Variants in AFG1L observed in about 807,000 individuals in gnomAD.
The protein encoded by AFG1L is AFG1-like ATPase.
A neutral mutation model predicts 62.2 loss-of-function variants in AFG1L; 53 were observed. The ratio of observed to expected loss-of-function variants is 0.85; its 90% CI spans 0.68 to 1.07. The LOEUF is 1.07. Ranked by LOEUF, AFG1L falls within the 50% of genes least tolerant of loss-of-function variation. The pLI is 0.00. For synonymous variants in AFG1L, 228 were observed against 210.3 expected (o/e 1.08, Z -0.73); for missense variants, 555 against 590.5 (o/e 0.94, Z 0.62).
At chr6:108,401,713 G>C (rs1487123034) in intron 6 of AFG1L, among the ~76,000 whole-genome samples, 3 of 151,996 alleles carry the variant, frequency 2.0e-5, no homozygotes, top group Admixed American at 6.6e-5. Flanking sequence ...TTTGAATTTT[G>C]GAAGTGATAC....
At chr6:108,397,446 G>A (rs562613523) in intron 6 of AFG1L, among the ~76,000 whole-genome samples, 2 of 150,180 alleles carry the variant, frequency 1.3e-5, no homozygotes, top group South Asian at 4.2e-4. Context: ...TAGTAGAGAC[G>A]GGATTTCACC....
chr6:108,311,777 T>TTA (rs1414731416), intron 1 of AFG1L, among the ~76,000 whole-genome samples: 2 of 152,194 alleles, frequency 1.3e-5, no homozygotes, highest in Non-Finnish European at 1.5e-5. Context: ...TTTGAACCAT[T>TTA]TATTACTTCA....
intron 2 of AFG1L, among the ~76,000 whole-genome samples, chr6:108,325,065 C>T (rs1417948332): frequency 6.6e-6 from 1 of 152,192 alleles, no homozygotes; most frequent in Non-Finnish European, 1.5e-5. Context: ...CTCCTTTCGC[C>T]ACCCCTTGCT....
chr6:108,347,453 T>G (rs1778906932), intron 3 of AFG1L, among the ~76,000 whole-genome samples: 1 of 152,242 alleles, frequency 6.6e-6, no homozygotes, highest in South Asian at 2.1e-4. Context: ...AGCCCTTGGA[T>G]GAATAATTTA....
chr6:108,302,070 C>T (rs1396025130), intron 1 of AFG1L, among the ~76,000 whole-genome samples: 1 of 152,040 alleles, frequency 6.6e-6, no homozygotes, highest in Non-Finnish European at 1.5e-5. Flanking sequence ...CCTCAGCCTC[C>T]TGAGTAGCTG....
In AFG1L at chr6:108,427,025, T is replaced by C. The variant is rs78302238; in HGVS notation, c.808-20189T>C. 3.7e-3 allele frequency among the ~76,000 whole-genome samples: 571 copies of C among 152,360 alleles called. 6 individuals are homozygous for C. Among genetic ancestry groups the C allele is most frequent in the African/African-American group, 0.013 (549 of 41,586 alleles). Reference sequence around the variant, plus strand: ...AATATATATACCTTAGTCTGAGTTATACTTTTATCCCCAGAGATATCCTAA... The same window carrying C: ...AATATATATACCTTAGTCTGAGTTACACTTTTATCCCCAGAGATATCCTAA... On this transcript the variant is annotated intron_variant, in intron 7 of 12. Coordinates refer to ENST00000368977, the MANE Select transcript of AFG1L (RefSeq NM_145315.5).
chr6:108,377,348 A>C (rs1047056865), intron 6 of AFG1L, among the ~76,000 whole-genome samples: 2 of 152,048 alleles, frequency 1.3e-5, no homozygotes, highest in African/African-American at 4.8e-5. Flanking sequence ...TCTGTGGGCT[A>C]TGTACTTAAG....
chr6:108,419,183 A>G (rs945832597), intron 7 of AFG1L, among the ~76,000 whole-genome samples: 1 of 152,176 alleles, frequency 6.6e-6, no homozygotes, highest in Non-Finnish European at 1.5e-5. Context: ...AATCAGTTTA[A>G]CAGTGTGAAA....
intron 7 of AFG1L, among the ~76,000 whole-genome samples, chr6:108,427,492 T>G (rs77149299): frequency 0.053 from 8,072 of 151,656 alleles, 538 homozygotes; most frequent in African/African-American, 0.15. Context: ...CCAATATTTC[T>G]GTAGGTTAGA....
chr6:108,316,213 C>T (rs12333287), intron 1 of AFG1L, among the ~76,000 whole-genome samples: 6 of 150,332 alleles, frequency 4.0e-5, no homozygotes, highest in African/African-American at 1.5e-4. Flanking sequence ...AACCCCGTCT[C>T]TACTAAAAAT....
intron 7 of AFG1L, among the ~76,000 whole-genome samples, chr6:108,422,781 A>G (rs746541326): frequency 6.6e-5 from 10 of 152,036 alleles, no homozygotes; most frequent in Non-Finnish European, 1.3e-4. Context: ...TCCATGATCC[A>G]TTCCTTAATG....
intron 7 of AFG1L, among the ~76,000 whole-genome samples, chr6:108,422,042 A>T (rs770433175): frequency 3.3e-5 from 5 of 152,096 alleles, no homozygotes; most frequent in African/African-American, 1.2e-4. Context: ...GAATAATTTT[A>T]GATTGTTTTT....
At chr6:108,453,661 G>A (rs1283014973) in intron 8 of AFG1L, among the ~76,000 whole-genome samples, 1 of 152,204 alleles carries the variant, frequency 6.6e-6, no homozygotes, top group Non-Finnish European at 1.5e-5. Context: ...GTGAGAATCA[G>A]ATTAATGAAA....
At chr6:108,459,508 C>T (rs967373723) in intron 8 of AFG1L, among the ~76,000 whole-genome samples, 12 of 152,180 alleles carry the variant, frequency 7.9e-5, no homozygotes, top group Admixed American at 7.2e-4. Context: ...AACTCTGGGC[C>T]CTCTTATTCC....
At chr6:108,399,874 G>A (rs1481167589) in intron 6 of AFG1L, among the ~76,000 whole-genome samples, 3 of 148,694 alleles carry the variant, frequency 2.0e-5, no homozygotes, top group Non-Finnish European at 1.5e-5. Flanking sequence ...TGCCTCCCAG[G>A]CTCAAGTGAT....
chr6:108,439,945 A>T (rs1451694350), intron 7 of AFG1L, among the ~76,000 whole-genome samples: 1 of 152,168 alleles, frequency 6.6e-6, no homozygotes, highest in Non-Finnish European at 1.5e-5. Context: ...TCTGTATTTA[A>T]GTGTTTATTT....
intron 6 of AFG1L, among the ~76,000 whole-genome samples, chr6:108,369,941 TGG>T (rs754468278): frequency 0.026 from 3,937 of 149,580 alleles, 130 homozygotes; most frequent in Admixed American, 0.09. Flanking sequence ...GCTGGCTGGC[TGG>T]CTGGCTATCT....
At chr6:108,511,589 GA>G (rs1774654790) in intron 11 of AFG1L, among the ~76,000 whole-genome samples, 1 of 152,200 alleles carries the variant, frequency 6.6e-6, no homozygotes, top group Non-Finnish European at 1.5e-5. Flanking sequence ...GCTATTAGTA[GA>G]ATATATCTGT....
chr6:108,356,787 A>T lies in AFG1L; in HGVS notation c.615A>T (p.Glu205Asp), dbSNP rs139809135. 1 of 1,613,554 alleles carries T rather than the reference A, an allele frequency of 6.2e-7. No individual in the cohort carries two copies. The highest frequency in any genetic ancestry group is 8.5e-7 in the Non-Finnish European group (1 of 1,179,776). Reference sequence around the variant, plus strand: ...CTCCCATAGCCGAAGAAATCAGCGAAGAAGCATGTCTCCTATGTTTTGATG... The same window carrying T: ...CTCCCATAGCCGAAGAAATCAGCGATGAAGCATGTCTCCTATGTTTTGATG... ...PIAPIAEEISEEACLLCFDEF... is the reference protein window; with the variant it reads ...PIAPIAEEISDEACLLCFDEF... Residue 205 changes from glutamate to aspartate, a missense_variant, in exon 5 of 13, where the codon GAA (glutamate) becomes GAT (aspartate). By Grantham distance (45) the Glu-to-Asp change is conservative. Coordinates refer to ENST00000368977, the MANE Select transcript of AFG1L (RefSeq NM_145315.5).
Sources: allele counts gnomAD v4.1 joint callset (sites outside exome capture counted in the v4.1 genomes callset), GRCh38; gene constraint gnomAD v4.1.1; transcripts MANE v1.5; gene names NCBI Gene and HGNC (gene_info 2026-07-23, HGNC 2026-07-21).